Variants in ITGA6 observed in about 807,000 individuals in gnomAD.
ITGA6 encodes integrin alpha-6.
ITGA6 carries 63 observed loss-of-function variants against 133.6 expected under a neutral mutation model. The observed-to-expected ratio is 0.47, with a 90% CI of 0.38 to 0.58. ITGA6 has a LOEUF of 0.58. Ranked by LOEUF, ITGA6 falls within the 20% of genes least tolerant of loss-of-function variation. The pLI, the probability that ITGA6 is intolerant of heterozygous loss-of-function variation, is 0.00. For missense variants in ITGA6, 1,068 were observed against 1,309.4 expected (o/e 0.82, Z 2.85); for synonymous variants, 434 against 482.0 (o/e 0.90, Z 1.30).
At chr2:172,476,660 A>C (rs1686187898) in intron 9 of ITGA6, 147 bp downstream of exon 9, 1 of 658,588 alleles carries the variant, frequency 1.5e-6, no homozygotes, top group African/African-American at 1.8e-5. Context: ...GAAGTTAGTA[A>C]ACAATGTAAT....
At chr2:172,458,786 C>T (rs1451976265) in intron 1 of ITGA6, among the ~76,000 whole-genome samples, 2 of 152,030 alleles carry the variant, frequency 1.3e-5, no homozygotes, top group Non-Finnish European at 2.9e-5. Flanking sequence ...ACAGATAATC[C>T]AGGAACACAA....
intron 1 of ITGA6, among the ~76,000 whole-genome samples, chr2:172,444,942 A>G (rs1017841952): frequency 1.3e-5 from 2 of 149,468 alleles, no homozygotes; most frequent in African/African-American, 4.9e-5. Flanking sequence ...GCGTTTAGGC[A>G]TATAACTTGA....
chr2:172,479,515 A>G (rs1161344129), intron 9 of ITGA6, 126 bp from the exon 10 acceptor site: 1 of 792,564 alleles, frequency 1.3e-6, no homozygotes, highest in Admixed American at 1.7e-5. Flanking sequence ...GGAAAACGTC[A>G]CGTGTATTTT....
chr2:172,484,919 A>C lies in ITGA6; in HGVS notation c.1687A>C (p.Met563Leu). The change falls in exon 12 of 26, where the codon ATG becomes CTG. Residue 563 changes from methionine to leucine, a missense_variant. This residue lies in a region of ITGA6 where 609 missense variants were observed against 707.2 expected (regional missense o/e 0.86). Coordinates refer to ENST00000684293, the MANE Select transcript of ITGA6 (RefSeq NM_000210.4). The part of the protein sequence containing the change: ...TLKRQKQKVC[M>L]EETLWLQDNI... ...GAAGAGGCAGAAACAGAAAGTGTGC[A>C]TGGAGGAAACCCTGTGGCTACAGGT... is the stretch of plus-strand genomic sequence containing the variant. 6.2e-7 allele frequency: 1 copy of C among 1,614,242 alleles called. No homozygotes were observed. Among genetic ancestry groups the C allele is most frequent in the African/African-American group, 1.3e-5 (1 of 75,068 alleles).
At chr2:172,494,586 G>C (rs1317412930) in intron 23 of ITGA6, among the ~76,000 whole-genome samples, 1 of 152,208 alleles carries the variant, frequency 6.6e-6, no homozygotes, top group Non-Finnish European at 1.5e-5. Flanking sequence ...ACATGATTGA[G>C]CCAGGTAAGC....
intron 3 of ITGA6, among the ~76,000 whole-genome samples, chr2:172,468,493 T>C (rs1192153155): frequency 2.0e-5 from 3 of 152,252 alleles, no homozygotes; most frequent in Non-Finnish European, 4.4e-5. Context: ...TGTGTTTACA[T>C]GGAGGTTAGC....
chr2:172,481,913 G>A (rs1686460203), intron 11 of ITGA6, among the ~76,000 whole-genome samples: 2 of 152,092 alleles, frequency 1.3e-5, no homozygotes, highest in South Asian at 4.1e-4. Flanking sequence ...CCTTACACTA[G>A]CCCACTTGGA....
chr2:172,501,794 A>G lies in ITGA6; in HGVS notation c.3137A>G (p.Lys1046Arg), dbSNP rs1456629239. 8.7e-6 allele frequency: 14 copies of G among 1,612,762 alleles called. No individual in the cohort carries two copies. The highest frequency in any genetic ancestry group is 1.7e-5 in the Admixed American group (1 of 60,002). Residue 1046 changes from lysine to arginine, a missense_variant, in exon 25 of 26, where the codon AAG becomes AGG. Around this residue, in one of 3 missense-constraint regions of ITGA6, gnomAD observed 609 missense variants for 707.2 expected, o/e 0.86. Transcript: ENST00000684293. ...LWKCGFFKRN[K>R]KDHYDATYHK... ...TAGTGTGGTTTCTTCAAGAGAAATA[A>G]GAAAGATCATTATGATGCCACATAT...
intron 23 of ITGA6, among the ~76,000 whole-genome samples, chr2:172,492,538 A>G (rs78340400): frequency 0.086 from 13,108 of 152,266 alleles, 1,382 homozygotes; most frequent in East Asian, 0.51. Flanking sequence ...AAAACTGAGA[A>G]GCATGTTCTC....
rs1354035716 is a variant in ITGA6, at chr2:172,450,923, A to G, written c.183-14616A>G. Among the ~76,000 whole-genome samples the G allele has an allele frequency of 5.2e-4, 77 of 147,010 alleles. 1 individual carries two copies. The highest frequency in any genetic ancestry group is 3.0e-5 in the Non-Finnish European group (2 of 66,750). On this transcript the variant is annotated intron_variant, in intron 1 of 25. Coordinates refer to ENST00000684293, the MANE Select transcript of ITGA6 (RefSeq NM_000210.4). ...TATATTTATATTATATATAAATTAT[A>G]TAAATTTAAATAAATATAAATATAT...
At chr2:172,430,724 A>C (rs1364564053) in intron 1 of ITGA6, among the ~76,000 whole-genome samples, 1 of 152,200 alleles carries the variant, frequency 6.6e-6, no homozygotes, top group Non-Finnish European at 1.5e-5. Flanking sequence ...TAGATACCAT[A>C]AACTTCATCC....
At chr2:172,469,605 C>T (rs1685831530) in intron 4 of ITGA6, among the ~76,000 whole-genome samples, 1 of 152,060 alleles carries the variant, frequency 6.6e-6, no homozygotes, top group South Asian at 2.1e-4. Context: ...TACTTTAATT[C>T]AGGTAGTTAA....
chr2:172,484,915 G>T lies in ITGA6; in HGVS notation c.1683G>T (p.Val561=). The T allele has an allele frequency of 6.2e-7, 1 of 1,614,202 alleles. No individual in the cohort carries two copies. Among genetic ancestry groups the T allele is most frequent in the Non-Finnish European group, 8.5e-7 (1 of 1,180,030 alleles). Residue 561 remains valine (V), a synonymous_variant, in exon 12 of 26, where the codon GTG becomes GTT. Transcript: ENST00000684293. ...ELTLKRQKQK[V]CMEETLWLQD... ...CTCTGAAGAGGCAGAAACAGAAAGT[G>T]TGCATGGAGGAAACCCTGTGGCTAC...
At chr2:172,479,949 A>G (rs1241679532) in intron 10 of ITGA6, 41 bp from the exon 11 acceptor site, 3 of 1,381,064 alleles carry the variant, frequency 2.2e-6, no homozygotes, top group African/African-American at 1.4e-5. Context: ...TTCCACTGCA[A>G]TAATGGATCT....
At position 172,501,814 on chromosome 2, in the gene ITGA6, A is replaced by T; in HGVS notation, c.3157A>T (p.Thr1053Ser). The stretch of plus-strand genomic sequence containing the variant: ...AAATAAGAAAGATCATTATGATGCC[A>T]CATATCACAAGGCTGAGATCCATGC... ...KRNKKDHYDATYHKAEIHAQP... is the reference protein window; with the variant it reads ...KRNKKDHYDASYHKAEIHAQP... The change falls in exon 25 of 26, where the codon ACA (threonine) becomes TCA (serine). Residue 1053 changes from threonine (T) to serine (S), a missense_variant. Physicochemically the swap from Thr to Ser is moderately conservative, Grantham distance 58. This residue lies in a region of ITGA6 where 609 missense variants were observed against 707.2 expected (regional missense o/e 0.86). Transcript: ENST00000684293. The T allele has an allele frequency of 6.2e-7, 1 of 1,612,354 alleles. No homozygotes were observed. Among genetic ancestry groups the T allele is most frequent in the East Asian group, 2.2e-5 (1 of 44,862 alleles).
In ITGA6 at chr2:172,506,124, A is replaced by G. The variant is rs891929833; in HGVS notation, c.*2056A>G. The G allele has an allele frequency of 6.6e-6, 1 of 152,632 alleles. No homozygotes were observed. 9.5% of individuals were successfully genotyped at this position (152,632 alleles called of 1,614,324 possible). ...TTTTTGTACTAACTAGCATTGTAAA[A>G]TTATTTCATGATTAGAAATTACCTG... On this transcript the variant is annotated 3_prime_UTR_variant, in exon 26 of 26. Transcript: ENST00000684293.
intron 8 of ITGA6, among the ~76,000 whole-genome samples, chr2:172,475,962 GAGGAAAT>G (rs1452856408): frequency 1.3e-5 from 2 of 152,142 alleles, no homozygotes; most frequent in Non-Finnish European, 2.9e-5. Context: ...ATTAAGATAA[GAGGAAAT>G]ACGATATATT....
rs1282219863 is a variant in ITGA6 at position 172,505,707 on chromosome 2, T to G, written c.*1639T>G. The G allele has an allele frequency of 1.3e-5, 2 of 152,610 alleles. No individual in the cohort carries two copies. Among genetic ancestry groups the G allele is most frequent in the Non-Finnish European group, 1.5e-5 (1 of 68,030 alleles). The allele number at this position is 152,610 out of a possible 1,614,324, so 9.5% of individuals were successfully genotyped here. A position where few individuals can be genotyped will look rare whatever the true frequency, so the allele number is the denominator to read the frequency against. On this transcript the variant is annotated 3_prime_UTR_variant, in exon 26 of 26. Transcript: ENST00000684293. The stretch of plus-strand genomic sequence containing the variant: ...TGAAAGAATAGAACACAGTTTGTAG[T>G]GCCACTGTTGTTTTGGGGGGGCTTT...
intron 3 of ITGA6, 101 bp downstream of exon 3, chr2:172,467,661 G>T (rs548876203): frequency 1.9e-5 from 17 of 912,496 alleles, no homozygotes; most frequent in Non-Finnish European, 2.7e-5. Flanking sequence ...ACATTCTAGC[G>T]AACTTACTGC....
Sources: allele counts gnomAD v4.1 joint callset (sites outside exome capture counted in the v4.1 genomes callset), GRCh38; gene constraint gnomAD v4.1.1; regional missense constraint gnomAD v4.1.1; transcripts MANE v1.5; gene names NCBI Gene and HGNC (gene_info 2026-07-23, HGNC 2026-07-21).